The following SLC36A1 variants were observed in gnomAD, a reference collection of about 807,000 sequenced individuals.
SLC36A1 encodes the protein proton-coupled amino acid transporter 1.
In SLC36A1, 30 loss-of-function variants were observed where a neutral mutation model predicts 47.5. The ratio of observed to expected loss-of-function variants is 0.63; its 90% confidence interval spans 0.47 to 0.86. The LOEUF (loss-of-function observed/expected upper bound fraction) is 0.86. Among genes scored for constraint, SLC36A1 ranks in the 40% least tolerant of loss-of-function variants. The probability of loss-of-function intolerance (pLI) is 0.00; values close to 1 mark genes in which losing one functional copy is unlikely to be tolerated. For missense variants in SLC36A1, 517 were observed against 606.0 expected, an observed-to-expected ratio of 0.85 and a Z score of 1.54; for synonymous variants, 255 against 249.7, an observed-to-expected ratio of 1.02 and a Z score of -0.20.
At chr5:151,416,951 C>T in the SLC36A1 span, among the ~76,000 whole-genome samples, 8,030 of 152,280 alleles carry the variant, frequency 0.053, 666 homozygotes, top group African/African-American at 0.18. Flanking sequence ...TTCCCCCCTT[C>T]GCTTAGCACT....
At position 151,476,583 on chromosome 5, in the gene SLC36A1, CT is replaced by C; in HGVS notation, c.823-6del. ...ACTTTCTCTCCTCTCTCACTACTCT[CT>C]CATAGGTTCTGCCCCTGGAAAACAA... is the stretch of plus-strand genomic sequence containing the variant. On this transcript the variant is annotated splice_polypyrimidine_tract_variant and splice_region_variant and intron_variant, in intron 8 of 10. Coordinates refer to ENST00000243389, the MANE Select transcript of SLC36A1 (RefSeq NM_078483.4). The C allele has an allele frequency of 3.2e-6, 5 of 1,557,020 alleles. No individual in the cohort carries two copies. The highest frequency in any genetic ancestry group is 4.3e-6 in the Non-Finnish European group (5 of 1,153,334).
chr5:151,524,664 A>G, the SLC36A1 span, among the ~76,000 whole-genome samples: 1 of 152,194 alleles, frequency 6.6e-6, no homozygotes, highest in African/African-American at 2.4e-5. Flanking sequence ...CAGATAATAC[A>G]GTCATCCAAG....
chr5:151,508,351 C>T, the SLC36A1 span, among the ~76,000 whole-genome samples: 95 of 152,360 alleles, frequency 6.2e-4, no homozygotes, highest in African/African-American at 2.2e-3. Context: ...CCTCCCAACA[C>T]ATCTCGTGAA....
chr5:151,508,251 C>T, the SLC36A1 span, among the ~76,000 whole-genome samples: 1 of 152,220 alleles, frequency 6.6e-6, no homozygotes, highest in African/African-American at 2.4e-5. Context: ...CCCGAAATGT[C>T]ACTACCAGTT....
chr5:151,540,744 CT>C, the SLC36A1 span: 3 of 1,613,892 alleles, frequency 1.9e-6, no homozygotes, highest in Non-Finnish European at 2.5e-6. Flanking sequence ...TGATGCCAAA[CT>C]GGCCCAGGGG....
chr5:151,459,005 T>C (rs927582025), intron 2 of SLC36A1, 70 bp downstream of exon 2: 135 of 1,493,112 alleles, frequency 9.0e-5, no homozygotes, highest in Non-Finnish European at 1.1e-4. Flanking sequence ...GACTTATTTT[T>C]CCCCCCAATT....
the SLC36A1 span, among the ~76,000 whole-genome samples, chr5:151,372,812 G>T: frequency 6.6e-6 from 1 of 152,052 alleles, no homozygotes; most frequent in South Asian, 2.1e-4. Context: ...TTGATGATAG[G>T]TCAATAAAAA....
chr5:151,531,968 C>T, the SLC36A1 span: 1 of 1,613,938 alleles, frequency 6.2e-7, no homozygotes, highest in Non-Finnish European at 8.5e-7. The surrounding 1 kb of genome is among the most constrained non-coding windows in gnomAD (Gnocchi z 5.7). Flanking sequence ...TGGGCATTGG[C>T]GCCTGGCAGG....
chr5:151,372,434 A>G, the SLC36A1 span, among the ~76,000 whole-genome samples: 1 of 152,026 alleles, frequency 6.6e-6, no homozygotes, highest in East Asian at 1.9e-4. Context: ...AGAGACAAAT[A>G]ATTCATTAAA....
the SLC36A1 span, chr5:151,509,870 TG>T: frequency 2.4e-6 from 2 of 845,018 alleles, no homozygotes; most frequent in Middle Eastern, 3.8e-4. Flanking sequence ...CCAAAAAGGT[TG>T]GGGACCACTG....
the SLC36A1 span, chr5:151,527,345 T>A: frequency 6.2e-7 from 1 of 1,612,342 alleles, no homozygotes; most frequent in South Asian, 1.1e-5. Context: ...GCCCACTGTC[T>A]GTGGCTCGGA....
At chr5:151,550,617 C>G in the SLC36A1 span, 1 of 1,614,144 alleles carries the variant, frequency 6.2e-7, no homozygotes, top group East Asian at 2.2e-5. Context: ...GCTGGGAGGG[C>G]CCCGAGCCGA....
the SLC36A1 span, among the ~76,000 whole-genome samples, chr5:151,372,476 C>T: frequency 4.6e-5 from 7 of 151,556 alleles, no homozygotes; most frequent in African/African-American, 1.7e-4. Context: ...CAAGGTCTCA[C>T]TTTGTTCCCT....
chr5:151,520,578 T>A, the SLC36A1 span, among the ~76,000 whole-genome samples: 1 of 152,210 alleles, frequency 6.6e-6, no homozygotes, highest in Non-Finnish European at 1.5e-5. Context: ...GGGCTTATTG[T>A]GGGCCAGCCA....
chr5:151,467,004 G>A (rs1036175567), intron 5 of SLC36A1, among the ~76,000 whole-genome samples, 195 bp from the exon 6 acceptor site: 1 of 151,986 alleles, frequency 6.6e-6, no homozygotes, highest in Non-Finnish European at 1.5e-5. Flanking sequence ...ACACTTAATG[G>A]GCACAATGTA....
chr5:151,365,941 C>T, the SLC36A1 span, among the ~76,000 whole-genome samples: 1 of 152,156 alleles, frequency 6.6e-6, no homozygotes, highest in Non-Finnish European at 1.5e-5. Context: ...TCTCAGCTCC[C>T]AAGACATTGG....
At position 151,479,473 on chromosome 5, in the gene SLC36A1, G is replaced by T. The variant is rs138246785; in HGVS notation, c.1143G>T (p.Val381=). 1.2e-6 allele frequency: 2 copies of T among 1,613,952 alleles called. No individual in the cohort carries two copies. The highest frequency in any genetic ancestry group is 2.7e-5 in the African/African-American group (2 of 75,064). ...TGGTGGACCTGTTTGTGCGCACAGT[G>T]CTGGTCTGCCTGACATGTGAGTAGA... ...ELVVDLFVRT[V]LVCLTCILAI... Residue 381 remains valine, a synonymous_variant, in exon 10 of 11, where the codon GTG becomes GTT. Coordinates refer to ENST00000243389, the MANE Select transcript of SLC36A1 (RefSeq NM_078483.4).
chr5:151,362,389 C>CTTT, the SLC36A1 span, among the ~76,000 whole-genome samples: 26 of 108,984 alleles, frequency 2.4e-4, no homozygotes, highest in Non-Finnish European at 3.6e-4. Context: ...ATTGATTCTT[C>CTTT]TTTTTTTTTT....
upstream of SLC36A1, among the ~76,000 whole-genome samples, chr5:151,442,625 T>G (rs1249678849): frequency 6.6e-6 from 1 of 152,166 alleles, no homozygotes; most frequent in Non-Finnish European, 1.5e-5. Flanking sequence ...TTAACAAATC[T>G]CTCCCTATCC....
Sources: gnomAD v4.1 joint callset for allele counts (sites outside exome capture counted in the v4.1 genomes callset) on GRCh38, gnomAD v4.1.1 for gene constraint, Gnocchi (gnomAD v3.1) non-coding constraint, MANE v1.5 for transcripts, NCBI Gene and HGNC (gene_info 2026-07-23, HGNC 2026-07-21) for gene names.